The following IMMP2L variants were observed in gnomAD, a reference collection of about 807,000 sequenced individuals.
The protein encoded by IMMP2L is inner mitochondrial membrane peptidase subunit 2, also known as mitochondrial inner membrane protease subunit 2.
In IMMP2L, 18 loss-of-function variants were observed where a neutral mutation model predicts 19.3. That is an observed-to-expected ratio of 0.93 (90% CI 0.64 to 1.38). The LOEUF is 1.38. IMMP2L is among the 40% of genes most tolerant of loss of function. The pLI is 0.00. For missense variants in IMMP2L, 233 were observed against 218.2 expected (o/e 1.07, Z -0.43); for synonymous variants, 76 against 73.0 (o/e 1.04, Z -0.21).
intron 5 of IMMP2L, among the ~76,000 whole-genome samples, chr7:110,714,894 C>T (rs1246500495): frequency 6.6e-6 from 1 of 152,136 alleles, no homozygotes; most frequent in African/African-American, 2.4e-5. Context: ...TGCATCCAGC[C>T]TCTGGGGCTT....
At chr7:111,214,622 G>T (rs1368380516) in intron 3 of IMMP2L, among the ~76,000 whole-genome samples, 2 of 149,788 alleles carry the variant, frequency 1.3e-5, no homozygotes, top group Non-Finnish European at 1.5e-5. Context: ...CAAAGTGCAG[G>T]GATTACAGGT....
chr7:110,895,469 T>A (rs1811231882), intron 4 of IMMP2L, among the ~76,000 whole-genome samples: 1 of 152,122 alleles, frequency 6.6e-6, no homozygotes, highest in Non-Finnish European at 1.5e-5. Flanking sequence ...AGTCCCCCAA[T>A]TTTGTTATAC....
At chr7:111,098,741 T>G (rs1428702397) in intron 3 of IMMP2L, among the ~76,000 whole-genome samples, 28 of 151,700 alleles carry the variant, frequency 1.8e-4, no homozygotes. Flanking sequence ...AAATAAGGCT[T>G]AGAGAAGAAA....
intron 3 of IMMP2L, among the ~76,000 whole-genome samples, chr7:111,115,120 A>G (rs567296849): frequency 6.6e-6 from 1 of 152,284 alleles, no homozygotes; most frequent in African/African-American, 2.4e-5. Context: ...GGACCATATA[A>G]ATGCTAAATA....
At chr7:111,092,171 C>T (rs1455451326) in intron 3 of IMMP2L, among the ~76,000 whole-genome samples, 1 of 152,176 alleles carries the variant, frequency 6.6e-6, no homozygotes, top group Non-Finnish European at 1.5e-5. Flanking sequence ...TTAATAACAT[C>T]CCCTCGCTGG....
chr7:110,860,337 C>T (rs1030426880), intron 5 of IMMP2L, among the ~76,000 whole-genome samples: 10 of 151,864 alleles, frequency 6.6e-5, no homozygotes, highest in African/African-American at 2.4e-4. Context: ...GAAAATATTA[C>T]CTCCTATTGA....
At chr7:110,822,539 G>A (rs116868867) in intron 5 of IMMP2L, among the ~76,000 whole-genome samples, 1 of 152,086 alleles carries the variant, frequency 6.6e-6, no homozygotes, top group East Asian at 1.9e-4. Flanking sequence ...TTCCTTACCT[G>A]TCTCCATCCC....
intron 3 of IMMP2L, among the ~76,000 whole-genome samples, chr7:111,037,356 C>G (rs1036696236): frequency 1.3e-5 from 2 of 152,032 alleles, no homozygotes; most frequent in African/African-American, 4.8e-5. Context: ...GATATAAAAT[C>G]AGAGGAGAAA....
rs183276658 is a variant in IMMP2L at position 110,849,616 on chromosome 7, G to A, written c.408+36977C>T. ...AAATTAAAATAATGATGTTTATCAC[G>A]TATCAAATTAAAAATTAGAATAAGT... On this transcript the variant is annotated intron_variant, in intron 5 of 5. Transcript: ENST00000405709. 2.9e-3 allele frequency among the ~76,000 whole-genome samples: 440 copies of A among 152,090 alleles called. 4 individuals carry two copies. Among genetic ancestry groups the A allele is most frequent in the Middle Eastern group, 0.024 (7 of 294 alleles).
intron 3 of IMMP2L, among the ~76,000 whole-genome samples, chr7:111,332,470 C>T (rs1049805214): frequency 2.6e-5 from 4 of 151,810 alleles, no homozygotes; most frequent in African/African-American, 9.7e-5. Context: ...GCCAAAATCA[C>T]AATAAAGACA....
intron 3 of IMMP2L, among the ~76,000 whole-genome samples, chr7:111,404,968 A>G (rs1016336708): frequency 1.8e-4 from 28 of 152,112 alleles, no homozygotes; most frequent in African/African-American, 4.8e-4. Flanking sequence ...GCAACGTCAG[A>G]AAAATAAAAA....
chr7:111,203,364 A>C (rs1810355871), intron 3 of IMMP2L, among the ~76,000 whole-genome samples: 1 of 152,136 alleles, frequency 6.6e-6, no homozygotes, highest in Non-Finnish European at 1.5e-5. Flanking sequence ...CAAACAGAAA[A>C]AAAAATCAAG....
At chr7:110,754,392 T>C (rs1797917659) in intron 5 of IMMP2L, among the ~76,000 whole-genome samples, 1 of 152,026 alleles carries the variant, frequency 6.6e-6, no homozygotes. Context: ...AGAAGTAGAG[T>C]ACAGTTTTTC....
At chr7:111,366,258 C>T (rs960670325) in intron 3 of IMMP2L, among the ~76,000 whole-genome samples, 11 of 150,992 alleles carry the variant, frequency 7.3e-5, no homozygotes, top group Non-Finnish European at 1.5e-4. Flanking sequence ...ATATAATATC[C>T]TGGCTAGGAA....
At chr7:111,391,049 T>A (rs574386679) in intron 3 of IMMP2L, among the ~76,000 whole-genome samples, 1 of 152,192 alleles carries the variant, frequency 6.6e-6, no homozygotes, top group Non-Finnish European at 1.5e-5. Flanking sequence ...TGAAAGCCTA[T>A]TATCTACTAT....
chr7:110,696,506 A>G (rs896950181), intron 5 of IMMP2L, among the ~76,000 whole-genome samples: 1 of 140,316 alleles, frequency 7.1e-6, no homozygotes, highest in African/African-American at 2.6e-5. Flanking sequence ...GGCCCACCGC[A>G]ATCTCGGCCT....
At chr7:111,440,042 A>T (rs1400564252) in intron 3 of IMMP2L, among the ~76,000 whole-genome samples, 1 of 151,916 alleles carries the variant, frequency 6.6e-6, no homozygotes, top group African/African-American at 2.4e-5. Flanking sequence ...AATTCAATCA[A>T]ATCTTCTGAC....
At chr7:111,178,103 A>T (rs1586703272) in intron 3 of IMMP2L, among the ~76,000 whole-genome samples, 1 of 152,050 alleles carries the variant, frequency 6.6e-6, no homozygotes, top group Non-Finnish European at 1.5e-5. Flanking sequence ...CACAGAACCA[A>T]ATACAGGCGT....
intron 3 of IMMP2L, among the ~76,000 whole-genome samples, chr7:111,130,704 A>C (rs1801764973): frequency 6.6e-6 from 1 of 152,116 alleles, no homozygotes; most frequent in Admixed American, 6.6e-5. Flanking sequence ...AGACAGAAAT[A>C]GTTCTTAAAC....
Sources: allele counts gnomAD v4.1 joint callset (sites outside exome capture counted in the v4.1 genomes callset), GRCh38; gene constraint gnomAD v4.1.1; transcripts MANE v1.5; gene names NCBI Gene and HGNC (gene_info 2026-07-23, HGNC 2026-07-21).